Variants in PPARGC1A observed in about 807,000 individuals in gnomAD.
PPARGC1A encodes the protein PPARG coactivator 1 alpha.
Under a neutral mutation model 88.7 loss-of-function variants are expected in PPARGC1A, and 25 were observed. The observed-to-expected ratio is 0.28, with a 90% CI of 0.21 to 0.39. The LOEUF (loss-of-function observed/expected upper bound fraction) is 0.39. Among genes scored for constraint, PPARGC1A ranks in the 10% least tolerant of loss-of-function variants. PPARGC1A has a pLI of 1.00. For synonymous variants in PPARGC1A, 363 were observed against 355.6 expected (o/e 1.02, Z -0.24); for missense variants, 880 against 968.7 (o/e 0.91, Z 1.22).
intron 7 of PPARGC1A, among the ~76,000 whole-genome samples, chr4:23,820,227 T>A (rs1289542648): frequency 1.3e-5 from 2 of 152,090 alleles, no homozygotes; most frequent in Non-Finnish European, 2.9e-5. Context: ...TCCCCTCTGA[T>A]GAAAATAATG....
chr4:23,880,331 A>G (rs924642487), intron 2 of PPARGC1A, among the ~76,000 whole-genome samples: 5 of 152,212 alleles, frequency 3.3e-5, no homozygotes, highest in South Asian at 2.1e-4. Flanking sequence ...TGTGCTTTGT[A>G]TATAATCTTC....
At chr4:24,267,039 C>G in the PPARGC1A span, among the ~76,000 whole-genome samples, 1 of 152,146 alleles carries the variant, frequency 6.6e-6, no homozygotes, top group African/African-American at 2.4e-5. Context: ...CTGCATTCAT[C>G]AGCCACTTTC....
At chr4:24,000,513 C>CTT in the PPARGC1A span, among the ~76,000 whole-genome samples, 91 of 151,520 alleles carry the variant, frequency 6.0e-4, no homozygotes, top group East Asian at 4.3e-3. Flanking sequence ...GCAGCAGGTG[C>CTT]TTTTTTTTAA....
chr4:24,044,885 A>C, the PPARGC1A span, among the ~76,000 whole-genome samples: 1 of 152,236 alleles, frequency 6.6e-6, no homozygotes, highest in South Asian at 2.1e-4. Context: ...AACTCAGAAA[A>C]ACTCCTTATT....
At chr4:23,876,843 G>A (rs1714793596) in intron 2 of PPARGC1A, among the ~76,000 whole-genome samples, 2 of 152,028 alleles carry the variant, frequency 1.3e-5, no homozygotes, top group Admixed American at 1.3e-4. Flanking sequence ...AAAAGTAGTT[G>A]TTTAAGTCAG....
At chr4:24,356,433 G>C in the PPARGC1A span, among the ~76,000 whole-genome samples, 1 of 152,192 alleles carries the variant, frequency 6.6e-6, no homozygotes, top group Non-Finnish European at 1.5e-5. Context: ...ATTAACCTGA[G>C]TTATCCCACT....
At chr4:24,141,963 C>A in the PPARGC1A span, among the ~76,000 whole-genome samples, 1 of 152,184 alleles carries the variant, frequency 6.6e-6, no homozygotes. Context: ...CCGTGGCATC[C>A]AGCTAAAAAT....
At chr4:24,014,907 C>G in the PPARGC1A span, among the ~76,000 whole-genome samples, 2 of 152,292 alleles carry the variant, frequency 1.3e-5, no homozygotes, top group East Asian at 3.9e-4. Context: ...GACATCCCAT[C>G]ATATTGACAT....
the PPARGC1A span, among the ~76,000 whole-genome samples, chr4:24,461,775 A>G: frequency 2.0e-5 from 3 of 152,090 alleles, no homozygotes; most frequent in South Asian, 2.1e-4. Flanking sequence ...AATTCCTTCT[A>G]CACTTTCCTT....
the PPARGC1A span, among the ~76,000 whole-genome samples, chr4:24,220,603 T>C: frequency 6.6e-6 from 1 of 152,144 alleles, no homozygotes; most frequent in Non-Finnish European, 1.5e-5. Flanking sequence ...GCCATTATCC[T>C]AAGCAAATTA....
chr4:23,817,493 C>T (rs998203133), intron 7 of PPARGC1A, among the ~76,000 whole-genome samples: 3 of 152,086 alleles, frequency 2.0e-5, no homozygotes, highest in Non-Finnish European at 4.4e-5. Context: ...AATAGAAAAG[C>T]GCTTCTTTAA....
the PPARGC1A span, among the ~76,000 whole-genome samples, chr4:24,026,944 T>C: frequency 1.3e-5 from 2 of 152,156 alleles, no homozygotes; most frequent in Non-Finnish European, 2.9e-5. Flanking sequence ...CCTCAAATTT[T>C]ATAAATAACA....
the PPARGC1A span, among the ~76,000 whole-genome samples, chr4:23,970,266 G>A: frequency 1.3e-4 from 20 of 152,184 alleles, no homozygotes; most frequent in Non-Finnish European, 2.4e-4. Context: ...ACCAAATGAC[G>A]CAAGCAAAAC....
At chr4:24,019,799 A>G in the PPARGC1A span, among the ~76,000 whole-genome samples, 157 of 152,326 alleles carry the variant, frequency 1.0e-3, 1 homozygote, top group African/African-American at 3.4e-3. Flanking sequence ...AAATTGTCCA[A>G]AACCTCTTAA....
At chr4:24,302,443 C>T in the PPARGC1A span, among the ~76,000 whole-genome samples, 1 of 152,216 alleles carries the variant, frequency 6.6e-6, no homozygotes, top group African/African-American at 2.4e-5. Context: ...TTCCTCGCCC[C>T]TGCCCCGCAG....
chr4:24,409,074 A>G, the PPARGC1A span, among the ~76,000 whole-genome samples: 1 of 152,244 alleles, frequency 6.6e-6, no homozygotes, highest in Non-Finnish European at 1.5e-5. Flanking sequence ...GCTGGATCAT[A>G]GAAAGTCATT....
chr4:24,132,808 T>C, the PPARGC1A span, among the ~76,000 whole-genome samples: 92,169 of 151,474 alleles, frequency 0.61, 28,482 homozygotes, highest in Non-Finnish European at 0.67. Flanking sequence ...TGGCACCTTC[T>C]TCACTTGACC....
the PPARGC1A span, among the ~76,000 whole-genome samples, chr4:24,406,511 A>G: frequency 1.3e-5 from 2 of 152,168 alleles, no homozygotes; most frequent in South Asian, 4.1e-4. Flanking sequence ...GATTTAAGTC[A>G]CTCAGTGTCT....
At chr4:23,828,715 T>A in intron 4 of PPARGC1A, 111 bp from the exon 5 acceptor site, 1 of 900,674 alleles carries the variant, frequency 1.1e-6, no homozygotes, top group Non-Finnish European at 1.7e-6. Context: ...AGTCTAAGTG[T>A]ACTAGATCTA....
Sources: allele counts gnomAD v4.1 joint callset (sites outside exome capture counted in the v4.1 genomes callset), GRCh38; gene constraint gnomAD v4.1.1; transcripts MANE v1.5; gene names NCBI Gene and HGNC (gene_info 2026-07-23, HGNC 2026-07-21).